CTNNA3: variants seen among roughly 807,000 people sequenced by gnomAD.
The protein encoded by CTNNA3 is catenin alpha-3.
A neutral mutation model predicts 95.7 loss-of-function variants in CTNNA3; 76 were observed. The observed-to-expected ratio is 0.79, with a 90% CI of 0.66 to 0.96. The LOEUF (loss-of-function observed/expected upper bound fraction) is 0.96, where lower values mean the gene tolerates loss of function less well. Ranked by LOEUF, CTNNA3 falls within the 40% of genes least tolerant of loss-of-function variation. The pLI, the probability that CTNNA3 is intolerant of heterozygous loss-of-function variation, is 0.00. For missense variants in CTNNA3, 1,191 were observed against 1,089.8 expected, an observed-to-expected ratio of 1.09 and a Z score of -1.31; for synonymous variants, 431 against 374.4, an observed-to-expected ratio of 1.15 and a Z score of -1.74.
At chr10:66,284,938 AT>A (rs1204826352) in intron 12 of CTNNA3, among the ~76,000 whole-genome samples, 1 of 151,756 alleles carries the variant, frequency 6.6e-6, no homozygotes, top group Non-Finnish European at 1.5e-5. Flanking sequence ...TCTTTTTTTC[AT>A]TTATTCAATA....
chr10:66,104,697 G>A (rs2081812768), intron 13 of CTNNA3, among the ~76,000 whole-genome samples: 2 of 152,140 alleles, frequency 1.3e-5, no homozygotes, highest in South Asian at 4.1e-4. Flanking sequence ...AAGTATTTAG[G>A]TTTCATAGAA....
At chr10:66,918,361 A>G (rs540624993) in intron 7 of CTNNA3, among the ~76,000 whole-genome samples, 9 of 152,338 alleles carry the variant, frequency 5.9e-5, no homozygotes, top group Admixed American at 2.0e-4. Flanking sequence ...AATACCACAA[A>G]GTAGAAGTAC....
intron 10 of CTNNA3, among the ~76,000 whole-genome samples, chr10:66,589,469 C>T (rs896962114): frequency 2.0e-5 from 3 of 152,048 alleles, no homozygotes; most frequent in African/African-American, 7.2e-5. Context: ...GTGTTTTCTA[C>T]ATTAACATTT....
chr10:66,098,325 G>T (rs1736145363), intron 14 of CTNNA3, among the ~76,000 whole-genome samples: 1 of 152,060 alleles, frequency 6.6e-6, no homozygotes, highest in Non-Finnish European at 1.5e-5. Context: ...ACATGTTTGA[G>T]GCCAAAAGAC....
At chr10:66,482,108 AG>A (rs1172455128) in intron 11 of CTNNA3, among the ~76,000 whole-genome samples, 2 of 152,198 alleles carry the variant, frequency 1.3e-5, no homozygotes, top group Admixed American at 1.3e-4. Context: ...ATAGTTTGAA[AG>A]AACTTCAAAA....
At chr10:67,321,415 C>T (rs1675084943) in intron 5 of CTNNA3, among the ~76,000 whole-genome samples, 1 of 152,166 alleles carries the variant, frequency 6.6e-6, no homozygotes. Context: ...ACTCTTCATT[C>T]CTACTTATGA....
At chr10:66,077,606 A>G (rs964613798) in intron 14 of CTNNA3, among the ~76,000 whole-genome samples, 2 of 151,822 alleles carry the variant, frequency 1.3e-5, no homozygotes, top group East Asian at 3.9e-4. Context: ...GGATCTTGGC[A>G]TGTATCATAA....
chr10:66,270,743 C>A (rs1458505476), intron 13 of CTNNA3, among the ~76,000 whole-genome samples: 1 of 152,030 alleles, frequency 6.6e-6, no homozygotes, highest in Non-Finnish European at 1.5e-5. Context: ...AAGGATGAAG[C>A]TGACCTGAAG....
intron 11 of CTNNA3, among the ~76,000 whole-genome samples, chr10:66,449,085 T>TA (rs1044609728): frequency 4.6e-5 from 7 of 151,696 alleles, no homozygotes; most frequent in African/African-American, 9.7e-5. Flanking sequence ...AGTAATTATA[T>TA]AAAAAAAGCA....
chr10:66,668,630 T>C (rs1189767236), intron 9 of CTNNA3, among the ~76,000 whole-genome samples: 2 of 151,986 alleles, frequency 1.3e-5, no homozygotes, highest in African/African-American at 2.4e-5. Context: ...CTGGCCAACA[T>C]GGCAAAACCC....
chr10:67,468,538 G>T (rs1316785748), intron 5 of CTNNA3, among the ~76,000 whole-genome samples: 2 of 151,968 alleles, frequency 1.3e-5, no homozygotes, highest in East Asian at 1.9e-4. Context: ...GCCCCTCCAG[G>T]GTACAGAGAT....
intron 15 of CTNNA3, among the ~76,000 whole-genome samples, chr10:66,041,961 T>C (rs17243212): frequency 0.18 from 27,571 of 152,206 alleles, 2,707 homozygotes; most frequent in Admixed American, 0.25. Context: ...GCATAACAAA[T>C]AACATCCTCT....
At chr10:67,629,574 A>G (rs7089821) in intron 2 of CTNNA3, among the ~76,000 whole-genome samples, 13,226 of 152,224 alleles carry the variant, frequency 0.087, 1,323 homozygotes, top group African/African-American at 0.25. Flanking sequence ...AGTGAGGTCA[A>G]TTACAGGAAC....
chr10:66,798,823 A>G (rs1385017198), intron 7 of CTNNA3, among the ~76,000 whole-genome samples: 1 of 151,654 alleles, frequency 6.6e-6, no homozygotes, highest in Non-Finnish European at 1.5e-5. Context: ...GATATATGAG[A>G]TAAAAGACAT....
chr10:66,338,593 G>A (rs966586909), intron 12 of CTNNA3, among the ~76,000 whole-genome samples: 4 of 151,898 alleles, frequency 2.6e-5, no homozygotes, highest in Non-Finnish European at 4.4e-5. Flanking sequence ...GCTTAATAGA[G>A]ATTAGGGAGT....
chr10:67,247,137 C>G (rs1003416681), intron 5 of CTNNA3, among the ~76,000 whole-genome samples: 2 of 152,144 alleles, frequency 1.3e-5, no homozygotes, highest in Admixed American at 1.3e-4. Flanking sequence ...CAACATTGCA[C>G]TAGTTCTAGT....
chr10:67,394,174 T>C (rs1844631407), intron 5 of CTNNA3, among the ~76,000 whole-genome samples: 1 of 152,166 alleles, frequency 6.6e-6, no homozygotes, highest in African/African-American at 2.4e-5. Flanking sequence ...CAATGTTTAC[T>C]TTATTTTCTT....
At chr10:66,897,300 T>C (rs1845538073) in intron 7 of CTNNA3, among the ~76,000 whole-genome samples, 4 of 151,960 alleles carry the variant, frequency 2.6e-5, no homozygotes, top group Admixed American at 2.6e-4. Context: ...AACCAAAAAT[T>C]AATAAAAGTG....
At chr10:67,750,819 A>G in intron 1 of CTNNA3, 2 of 1,610,352 alleles carry the variant, frequency 1.2e-6, no homozygotes, top group East Asian at 4.5e-5. Flanking sequence ...TGAAATATAA[A>G]CCAGTGACTA....
Sources: allele counts gnomAD v4.1 joint callset (sites outside exome capture counted in the v4.1 genomes callset), GRCh38; gene constraint gnomAD v4.1.1; transcripts MANE v1.5; gene names NCBI Gene and HGNC (gene_info 2026-07-23, HGNC 2026-07-21).